Variants in PDGFC observed in about 807,000 individuals in gnomAD.
PDGFC encodes the protein platelet-derived growth factor C.
A neutral mutation model predicts 35.5 loss-of-function variants in PDGFC; 12 were observed. The observed-to-expected ratio is 0.34, with a 90% confidence interval of 0.22 to 0.55. The LOEUF is 0.55. Ranked by LOEUF, PDGFC falls within the 20% of genes least tolerant of loss-of-function variation. PDGFC has a pLI of 0.91. For synonymous variants in PDGFC, 159 were observed against 148.8 expected, an observed-to-expected ratio of 1.07 and a Z score of -0.50; for missense variants, 322 against 412.4, an observed-to-expected ratio of 0.78 and a Z score of 1.90.
intron 3 of PDGFC, 34 bp from the exon 4 acceptor site, chr4:156,772,927 T>C: frequency 7.0e-7 from 1 of 1,423,300 alleles, no homozygotes; most frequent in Non-Finnish European, 9.9e-7. Context: ...TTAACTGTTT[T>C]AAAAACGACA....
intron 2 of PDGFC, among the ~76,000 whole-genome samples, chr4:156,842,711 G>T (rs1729234659): frequency 6.6e-6 from 1 of 152,024 alleles, no homozygotes; most frequent in Admixed American, 6.6e-5. Context: ...GGCATCTCAG[G>T]CTCCAGAGAA....
intron 2 of PDGFC, among the ~76,000 whole-genome samples, chr4:156,824,387 C>T (rs1226309040): frequency 1.3e-5 from 2 of 149,018 alleles, no homozygotes; most frequent in Non-Finnish European, 3.0e-5. Context: ...CATACATACA[C>T]ACACATATAT....
At chr4:156,804,744 T>C (rs1369198614) in intron 3 of PDGFC, among the ~76,000 whole-genome samples, 1 of 152,052 alleles carries the variant, frequency 6.6e-6, no homozygotes, top group Non-Finnish European at 1.5e-5. Flanking sequence ...ATTTAATTTA[T>C]AATTTTAACT....
chr4:156,926,675 G>C (rs975523960), intron 1 of PDGFC, among the ~76,000 whole-genome samples: 7 of 152,232 alleles, frequency 4.6e-5, no homozygotes, highest in African/African-American at 1.7e-4. Context: ...TCAAGAGGTA[G>C]GTTTCCCTGG....
chr4:156,904,807 G>C (rs543051757), intron 1 of PDGFC, among the ~76,000 whole-genome samples: 1 of 151,984 alleles, frequency 6.6e-6, no homozygotes, highest in Admixed American at 6.6e-5. Flanking sequence ...ATTACCAACT[G>C]ACATATCTAC....
rs145713674 is a variant in PDGFC, at chr4:156,828,404, G to A, written c.315-17387C>T. Among the ~76,000 whole-genome samples, 337 of 152,224 alleles carry A rather than the reference G, an allele frequency of 2.2e-3. 3 individuals are homozygous for A. Among genetic ancestry groups the A allele is most frequent in the African/African-American group, 7.3e-3 (303 of 41,532 alleles). On this transcript the variant is annotated intron_variant, in intron 2 of 5. Transcript: ENST00000502773. ...ACAGATGAGATCCGGCATCAAGACC[G>A]TGCTTAATAAGTGGCAGAGGTTTTA...
rs981811686 is a variant in PDGFC at position 156,821,148 on chromosome 4, C to G, written c.315-10131G>C. ...TATATAGTATGAAAGTTGAGACATC[C>G]CAAGGAATGTTGCCTGTTGTATGTG... On this transcript the variant is annotated intron_variant, in intron 2 of 5. Transcript: ENST00000502773. Among the ~76,000 whole-genome samples, 17 of 150,956 alleles carry G rather than the reference C, an allele frequency of 1.1e-4. 1 individual carries two copies. Among genetic ancestry groups the G allele is most frequent in the Admixed American group, 1.1e-3 (17 of 15,166 alleles).
At chr4:156,817,216 T>C (rs1732111685) in intron 2 of PDGFC, among the ~76,000 whole-genome samples, 2 of 151,154 alleles carry the variant, frequency 1.3e-5, no homozygotes, top group Non-Finnish European at 3.0e-5. Flanking sequence ...ATTAAGCAAA[T>C]CAAAACAAAA....
At chr4:156,815,827 A>C (rs529172167) in intron 2 of PDGFC, among the ~76,000 whole-genome samples, 3 of 152,172 alleles carry the variant, frequency 2.0e-5, no homozygotes, top group South Asian at 4.1e-4. Context: ...TACTAAACCT[A>C]TTTTATGAGC....
intron 1 of PDGFC, among the ~76,000 whole-genome samples, chr4:156,901,020 G>T (rs1730759877): frequency 6.6e-6 from 1 of 152,082 alleles, no homozygotes; most frequent in Non-Finnish European, 1.5e-5. Context: ...GAATGCAAAA[G>T]ATGAAACTGA....
At chr4:156,966,223 C>T (rs1480194605) in intron 1 of PDGFC, among the ~76,000 whole-genome samples, 5 of 152,096 alleles carry the variant, frequency 3.3e-5, no homozygotes, top group Admixed American at 6.6e-5. Context: ...AGATTGTTTA[C>T]AACTGATCTT....
chr4:156,805,843 T>A (rs1405467226), intron 3 of PDGFC, among the ~76,000 whole-genome samples: 1 of 152,036 alleles, frequency 6.6e-6, no homozygotes, highest in African/African-American at 2.4e-5. Flanking sequence ...GCATAATTAA[T>A]AACCACTTTG....
intron 2 of PDGFC, among the ~76,000 whole-genome samples, chr4:156,835,531 T>C (rs1371560514): frequency 6.6e-6 from 1 of 152,210 alleles, no homozygotes; most frequent in Non-Finnish European, 1.5e-5. Flanking sequence ...GGGAACCAGA[T>C]CTTCTAGTGC....
At chr4:156,905,393 C>T (rs2218340) in intron 1 of PDGFC, among the ~76,000 whole-genome samples, 1 of 151,862 alleles carries the variant, frequency 6.6e-6, no homozygotes, top group Non-Finnish European at 1.5e-5. Flanking sequence ...ATTATATGTG[C>T]CAATTTATAA....
intron 3 of PDGFC, among the ~76,000 whole-genome samples, chr4:156,804,822 C>A (rs1488893442): frequency 6.6e-6 from 1 of 151,908 alleles, no homozygotes; most frequent in East Asian, 1.9e-4. Flanking sequence ...TGTGAGGTTG[C>A]CATTTTAACT....
At chr4:156,966,249 A>C (rs1017402955) in intron 1 of PDGFC, among the ~76,000 whole-genome samples, 2 of 152,204 alleles carry the variant, frequency 1.3e-5, no homozygotes, top group African/African-American at 4.8e-5. Flanking sequence ...AAAGATCAAG[A>C]AGCAACAGAG....
intron 1 of PDGFC, among the ~76,000 whole-genome samples, chr4:156,889,035 CGT>C (rs1301133808): frequency 6.6e-6 from 1 of 152,150 alleles, no homozygotes; most frequent in Non-Finnish European, 1.5e-5. Flanking sequence ...ACAAACACGT[CGT>C]GTGTCTACTA....
Position 156,962,102 on chromosome 4 carries a change from C to T in PDGFC, c.118+8684G>A, listed in dbSNP as rs920096132. The stretch of plus-strand genomic sequence containing the variant: ...TGGAATCTTAGACATGAAGACTTTT[C>T]TTTTTGTTCTGTTTGTTAACTGTCA... On this transcript the variant is annotated intron_variant, in intron 1 of 5. Transcript: ENST00000502773. Among the ~76,000 whole-genome samples the T allele has an allele frequency of 3.3e-5, 5 of 152,250 alleles. No individual in the cohort carries two copies. In the East Asian group the frequency reaches 7.7e-4, roughly 24 times the overall value.
At chr4:156,783,251 T>C in intron 3 of PDGFC, among the ~76,000 whole-genome samples, 1 of 152,054 alleles carries the variant, frequency 6.6e-6, no homozygotes, top group South Asian at 2.1e-4. Flanking sequence ...TGGGGTCTGA[T>C]TGGGAAGGCT....
Sources: allele counts gnomAD v4.1 joint callset (sites outside exome capture counted in the v4.1 genomes callset), GRCh38; gene constraint gnomAD v4.1.1; transcripts MANE v1.5; gene names NCBI Gene and HGNC (gene_info 2026-07-23, HGNC 2026-07-21).